The following LRRC4B variants were observed in gnomAD, a reference collection of about 807,000 sequenced individuals.
LRRC4B encodes leucine rich repeat containing 4B.
In LRRC4B, 1 loss-of-function variant was observed where a neutral mutation model predicts 7.3. That is an observed-to-expected ratio of 0.14 (90% confidence interval 0.05 to 0.65). The LOEUF is 0.65. Ranked by LOEUF, LRRC4B falls within the 30% of genes least tolerant of loss-of-function variation. The pLI, the probability that LRRC4B is intolerant of heterozygous loss-of-function variation, is 0.84. For missense variants in LRRC4B, 730 were observed against 1,041.6 expected, an observed-to-expected ratio of 0.70 and a Z score of 4.12; for synonymous variants, 500 against 499.2, an observed-to-expected ratio of 1.00 and a Z score of -0.02.
rs1599782316 is a variant in LRRC4B at position 50,552,119 on chromosome 19, C to T, written c.-35-3246G>A. Among the ~76,000 whole-genome samples the T allele has an allele frequency of 2.0e-5, 3 of 152,212 alleles. No homozygotes were observed. The East Asian group carries it at 5.8e-4, about 29-fold the overall frequency. ...GTGGTTGGGCCGTGCCAAGCCGGAG[C>T]CTCATGGCACACAGACAGCCTCGTT... On this transcript the variant is annotated intron_variant, in intron 1 of 2. Coordinates refer to ENST00000652263, the MANE Select transcript of LRRC4B (RefSeq NM_001080457.2).
chr19:50,545,743 T>A (rs12982974), intron 2 of LRRC4B, among the ~76,000 whole-genome samples: 1,192 of 111,356 alleles, frequency 0.011, 12 homozygotes, highest in African/African-American at 0.011. Flanking sequence ...TTTTTTTTTT[T>A]AAGACAGGGT....
chr19:50,530,137 T>C (rs1451998529), intron 2 of LRRC4B, among the ~76,000 whole-genome samples: 1 of 151,964 alleles, frequency 6.6e-6, no homozygotes, highest in Non-Finnish European at 1.5e-5. Flanking sequence ...CCCCGCCTCA[T>C]CCTCTCTCCC....
chr19:50,519,028 C>G lies in LRRC4B; in HGVS notation c.685G>C (p.Val229Leu). Residue 229 changes from valine to leucine, a missense_variant, in exon 3 of 3, where the codon GTG (valine) becomes CTG (leucine). Physicochemically the swap from Val to Leu is conservative, Grantham distance 32. Around this residue, in one of 6 missense-constraint regions of LRRC4B, gnomAD observed 226 missense variants for 448.0 expected, o/e 0.50. Transcript: ENST00000652263. This position sits in a 1 kb window ranked among gnomAD's most constrained non-coding sequence, Gnocchi z 8.1. ...GACAGCTCCAGCTCCTCCAGGCGCA[C>G]CAGGGCCGTCAGGTTGGGGATGTCC... is the stretch of plus-strand genomic sequence containing the variant. Reference protein sequence around the residue: ...LKDIPNLTALVRLEELELSGN... With the variant: ...LKDIPNLTALLRLEELELSGN... 2 of 1,611,390 alleles carry G rather than the reference C, an allele frequency of 1.2e-6. No homozygotes were observed. The highest frequency in any genetic ancestry group is 1.7e-6 in the Non-Finnish European group (2 of 1,179,810).
rs1373654189 is a variant in LRRC4B, at chr19:50,537,826, G to A, written c.297+10716C>T. On this transcript the variant is annotated intron_variant, in intron 2 of 2. Transcript: ENST00000652263. This position sits in a 1 kb window ranked among gnomAD's most constrained non-coding sequence, Gnocchi z 5.5. ...GTGGGCCCCGAGATGGCGCTGCTGA[G>A]GGAATGAAGAGGATAACTCAGCTGG... Among the ~76,000 whole-genome samples the A allele has an allele frequency of 3.9e-5, 6 of 152,162 alleles. No individual in the cohort carries two copies. The East Asian group carries it at 1.2e-3, about 29-fold the overall frequency.
chr19:50,552,156 C>T lies in LRRC4B; in HGVS notation c.-35-3283G>A, dbSNP rs554084363. Among the ~76,000 whole-genome samples the T allele has an allele frequency of 9.2e-5, 14 of 152,100 alleles. No individual in the cohort carries two copies. The South Asian group carries it at 1.2e-3, about 14-fold the overall frequency. ...CAGACAGCCTCGTTGGCTGCATGACCGGGCTGGGCCACCACTGACCCCCTC... is the reference window on the plus strand; with the variant it reads ...CAGACAGCCTCGTTGGCTGCATGACTGGGCTGGGCCACCACTGACCCCCTC... On this transcript the variant is annotated intron_variant, in intron 1 of 2. Transcript: ENST00000652263.
At chr19:50,552,069 C>T (rs1015773313) in intron 1 of LRRC4B, among the ~76,000 whole-genome samples, 2 of 152,088 alleles carry the variant, frequency 1.3e-5, no homozygotes, top group Non-Finnish European at 1.5e-5. Context: ...GGAAGGTTGC[C>T]GGCTGGGCTG....
intron 2 of LRRC4B, among the ~76,000 whole-genome samples, chr19:50,531,427 A>G (rs920574547): frequency 3.3e-5 from 5 of 152,178 alleles, no homozygotes; most frequent in Non-Finnish European, 7.3e-5. Flanking sequence ...CTCAGCACGC[A>G]GTGACCCAGC....
intron 2 of LRRC4B, among the ~76,000 whole-genome samples, chr19:50,547,893 C>T (rs533332791): frequency 3.3e-5 from 5 of 152,040 alleles, no homozygotes; most frequent in South Asian, 2.1e-4. Flanking sequence ...GCCACCATGG[C>T]GCCAAGCACC....
In LRRC4B at chr19:50,563,168, C is replaced by T. The variant is rs1410556525; in HGVS notation, c.-36+4776G>A. 2.0e-5 allele frequency among the ~76,000 whole-genome samples: 3 copies of T among 152,180 alleles called. No individual in the cohort carries two copies. The highest frequency in any genetic ancestry group is 2.0e-4 in the Admixed American group (3 of 15,284). ...TCCCGCCTGCCTCCCGCAGTGAGCC[C>T]CCATCAGCCCCTCTCGTGGGTCTCC... is the stretch of plus-strand genomic sequence containing the variant. On this transcript the variant is annotated intron_variant, in intron 1 of 2. Coordinates refer to ENST00000652263, the MANE Select transcript of LRRC4B (RefSeq NM_001080457.2). This position sits in a 1 kb window ranked among gnomAD's most constrained non-coding sequence, Gnocchi z 4.9.
At chr19:50,567,312 CG>C (rs1340413492) in intron 1 of LRRC4B, among the ~76,000 whole-genome samples, 2 of 151,472 alleles carry the variant, frequency 1.3e-5, no homozygotes, top group African/African-American at 4.9e-5. Flanking sequence ...CCAGGAGAGG[CG>C]GGGTGACCCC....
In LRRC4B at chr19:50,553,408, T is replaced by C. The variant is rs553018256; in HGVS notation, c.-35-4535A>G. ...CCAGCTCCTCCTCTGACCTCATCGC[T>C]TCCCTCCTCCCCCTGCTCACTCGCT... On this transcript the variant is annotated intron_variant, in intron 1 of 2. Transcript: ENST00000652263. This position sits in a 1 kb window ranked among gnomAD's most constrained non-coding sequence, Gnocchi z 4.2. Among the ~76,000 whole-genome samples, 1 of 152,164 alleles carries C rather than the reference T, an allele frequency of 6.6e-6. No individual in the cohort carries two copies. Among genetic ancestry groups the C allele is most frequent in the Admixed American group, 6.5e-5 (1 of 15,276 alleles).
At chr19:50,538,326 G>C (rs1368662039) in intron 2 of LRRC4B, among the ~76,000 whole-genome samples, 1 of 151,950 alleles carries the variant, frequency 6.6e-6, no homozygotes, top group Non-Finnish European at 1.5e-5. Context: ...GCCTCCCGAA[G>C]TGGTGGGATT....
intron 1 of LRRC4B, among the ~76,000 whole-genome samples, chr19:50,557,089 G>A (rs932571652): frequency 2.0e-5 from 3 of 152,134 alleles, no homozygotes; most frequent in African/African-American, 7.2e-5. Flanking sequence ...GGGTCCGGGG[G>A]TAGAGGATGA....
intron 2 of LRRC4B, among the ~76,000 whole-genome samples, chr19:50,545,747 A>C: frequency 7.6e-6 from 1 of 132,334 alleles, no homozygotes; most frequent in Non-Finnish European, 1.6e-5. Flanking sequence ...TTTTTTTAAG[A>C]CAGGGTCTCT....
In LRRC4B at chr19:50,518,553, G is replaced by A; in HGVS notation, c.1160C>T (p.Thr387Met). The change falls in exon 3 of 3, where the codon ACG (threonine) becomes ATG (methionine). Residue 387 changes from threonine (T) to methionine (M), a missense_variant. Thr to Met is a moderately conservative substitution (Grantham distance 81, BLOSUM62 -1). This residue lies in a region of LRRC4B where 226 missense variants were observed against 448.0 expected (regional missense o/e 0.50). Transcript: ENST00000652263. ...EGMAAELKCR[T>M]GTSMTSVNWL... is the part of the protein sequence containing the mutation. The stretch of plus-strand genomic sequence containing the variant: ...GTTGACGGAGGTCATGGAGGTGCCC[G>A]TGCGGCATTTGAGCTCGGCAGCCAT... The A allele has an allele frequency of 6.3e-7, 1 of 1,587,756 alleles. No homozygotes were observed. Among genetic ancestry groups the A allele is most frequent in the South Asian group, 1.2e-5 (1 of 86,874 alleles).
intron 2 of LRRC4B, among the ~76,000 whole-genome samples, chr19:50,546,195 C>T (rs1333146395): frequency 6.6e-6 from 1 of 151,984 alleles, no homozygotes; most frequent in Non-Finnish European, 1.5e-5. Context: ...ATTTGCTGAG[C>T]GTGGCAGCAG....
chr19:50,565,095 C>T (rs535227296), intron 1 of LRRC4B, among the ~76,000 whole-genome samples: 1 of 152,314 alleles, frequency 6.6e-6, no homozygotes, highest in Non-Finnish European at 1.5e-5. Context: ...AGGGCTGTCT[C>T]TGAGTGGGAT....
chr19:50,567,319 A>G (rs1982661695), intron 1 of LRRC4B, among the ~76,000 whole-genome samples: 1 of 151,196 alleles, frequency 6.6e-6, no homozygotes, highest in South Asian at 2.1e-4. Context: ...AGGCGGGGTG[A>G]CCCCAGAGGG....
At position 50,537,865 on chromosome 19, in the gene LRRC4B, G is replaced by C. The variant is rs111512291; in HGVS notation, c.297+10677C>G. Among the ~76,000 whole-genome samples, 375 of 152,172 alleles carry C rather than the reference G, an allele frequency of 2.5e-3. 4 individuals are homozygous for C. Among genetic ancestry groups the C allele is most frequent in the African/African-American group, 8.4e-3 (349 of 41,532 alleles). On this transcript the variant is annotated intron_variant, in intron 2 of 2. Transcript: ENST00000652263. This position sits in a 1 kb window ranked among gnomAD's most constrained non-coding sequence, Gnocchi z 5.5. ...TAACTCAGCTGGAATGAGAGCCAGGGAGGCCGCAGTTAGACACGAAGTCTC... is the reference window on the plus strand; with the variant it reads ...TAACTCAGCTGGAATGAGAGCCAGGCAGGCCGCAGTTAGACACGAAGTCTC...
Sources: allele counts gnomAD v4.1 joint callset (sites outside exome capture counted in the v4.1 genomes callset), GRCh38; gene constraint gnomAD v4.1.1; regional missense constraint gnomAD v4.1.1; non-coding constraint Gnocchi (gnomAD v3.1); transcripts MANE v1.5; gene names NCBI Gene and HGNC (gene_info 2026-07-23, HGNC 2026-07-21).